Variants in PIK3C2A observed in about 807,000 individuals in gnomAD.
The protein encoded by PIK3C2A is phosphatidylinositol-4-phosphate 3-kinase catalytic subunit type 2 alpha.
Under a neutral mutation model 204.5 loss-of-function variants are expected in PIK3C2A, and 97 were observed. The observed-to-expected ratio is 0.47, with a 90% confidence interval of 0.40 to 0.56. PIK3C2A has a LOEUF of 0.56. Among genes scored for constraint, PIK3C2A ranks in the 20% least tolerant of loss-of-function variants. The pLI, the probability that PIK3C2A is intolerant of heterozygous loss-of-function variation, is 0.00. For missense variants in PIK3C2A, 1,735 were observed against 1,969.2 expected (o/e 0.88, Z 2.25); for synonymous variants, 653 against 664.4 (o/e 0.98, Z 0.26).
chr11:17,113,168 C>T (rs563138071), intron 20 of PIK3C2A, among the ~76,000 whole-genome samples: 63 of 152,220 alleles, frequency 4.1e-4, no homozygotes, highest in Non-Finnish European at 6.8e-4. Flanking sequence ...CCCGCCACCA[C>T]ACCCGGCTAA....
intron 1 of PIK3C2A, among the ~76,000 whole-genome samples, chr11:17,180,434 A>T (rs1182194713): frequency 2.0e-5 from 3 of 151,932 alleles, no homozygotes; most frequent in Non-Finnish European, 4.4e-5. Flanking sequence ...CCAAGAAAAA[A>T]TTTTTGCTAT....
Position 17,112,659 on chromosome 11 carries a change from G to T in PIK3C2A, c.3329C>A (p.Ser1110Tyr). ...VAKELNIKSCSFFSSNAVPLK... is the reference protein window; with the variant it reads ...VAKELNIKSCYFFSSNAVPLK... ...GGGGACAGCATTAGAACTGAAGAAG[G>T]AACACGACTGCAAATACAACATGTT... The change falls in exon 21 of 33, where the codon TCC becomes TAC. Residue 1110 changes from serine to tyrosine, a missense_variant. Physicochemically the swap from Ser to Tyr is moderately radical, Grantham distance 144. Around this residue, in one of 6 missense-constraint regions of PIK3C2A, gnomAD observed 567 missense variants for 576.0 expected, o/e 0.98. Coordinates refer to ENST00000691414, the MANE Select transcript of PIK3C2A (RefSeq NM_002645.4). The T allele has an allele frequency of 1.3e-6, 2 of 1,481,620 alleles. No individual in the cohort carries two copies. The highest frequency in any genetic ancestry group is 1.4e-5 in the South Asian group (1 of 73,480). 91.8% of individuals were successfully genotyped at this position (1,481,620 alleles called of 1,614,324 possible).
intron 1 of PIK3C2A, among the ~76,000 whole-genome samples, chr11:17,190,876 T>C (rs1851917437): frequency 1.3e-5 from 2 of 152,042 alleles, no homozygotes; most frequent in African/African-American, 2.4e-5. Context: ...TAATGTGTAA[T>C]TGGAGTCCAA....
chr11:17,188,058 C>T (rs772659596), intron 1 of PIK3C2A, among the ~76,000 whole-genome samples: 13 of 152,180 alleles, frequency 8.5e-5, no homozygotes, highest in Middle Eastern at 3.4e-3. Flanking sequence ...GGATTTTGGG[C>T]CAGGCATGGT....
chr11:17,100,838 A>G (rs771118189), intron 25 of PIK3C2A, among the ~76,000 whole-genome samples: 7 of 152,196 alleles, frequency 4.6e-5, no homozygotes, highest in Admixed American at 3.9e-4. Context: ...GTTTATTACC[A>G]TATCAATTTA....
intron 20 of PIK3C2A, 79 bp from the exon 21 acceptor site, chr11:17,112,745 C>T: frequency 1.7e-6 from 1 of 576,494 alleles, no homozygotes; most frequent in East Asian, 3.1e-5. Context: ...CGCATTTCCC[C>T]TTTCACTTCT....
At chr11:17,133,091 C>T (rs1849752385) in intron 11 of PIK3C2A, among the ~76,000 whole-genome samples, 1 of 152,200 alleles carries the variant, frequency 6.6e-6, no homozygotes, top group South Asian at 2.1e-4. Flanking sequence ...CACAATACCC[C>T]TAAGCAAACT....
At chr11:17,107,968 T>G (rs1003046762) in intron 22 of PIK3C2A, among the ~76,000 whole-genome samples, 3 of 152,172 alleles carry the variant, frequency 2.0e-5, no homozygotes, top group Non-Finnish European at 4.4e-5. Context: ...GCCTCCCGGA[T>G]TCAAGTGATT....
chr11:17,175,279 TA>T (rs1043980009), intron 1 of PIK3C2A, among the ~76,000 whole-genome samples: 1 of 152,204 alleles, frequency 6.6e-6, no homozygotes. Flanking sequence ...TAGTATATGC[TA>T]AAGTAAATTC....
intron 1 of PIK3C2A, among the ~76,000 whole-genome samples, chr11:17,181,526 G>A (rs979667632): frequency 6.6e-6 from 1 of 150,566 alleles, no homozygotes; most frequent in African/African-American, 2.5e-5. Context: ...CAGCTACTTG[G>A]GAAGCTGTGG....
intron 2 of PIK3C2A, among the ~76,000 whole-genome samples, chr11:17,157,708 G>A (rs144697316): frequency 6.6e-6 from 1 of 152,132 alleles, no homozygotes; most frequent in Non-Finnish European, 1.5e-5. Flanking sequence ...AATATGCCGG[G>A]AAAGATTACG....
At chr11:17,138,308 G>A (rs1299698030) in intron 8 of PIK3C2A, 7 of 553,824 alleles carry the variant, frequency 1.3e-5, no homozygotes, top group Middle Eastern at 5.3e-4. Context: ...CCCGGAAGAC[G>A]AAAAACAGCC....
rs1186116420 is a variant in PIK3C2A at position 17,087,758 on chromosome 11, G to A, written c.*1980C>T. The A allele has an allele frequency of 6.6e-6, 1 of 152,168 alleles. No homozygotes were observed. Among genetic ancestry groups the A allele is most frequent in the Non-Finnish European group, 1.5e-5 (1 of 68,030 alleles). The allele number at this position is 152,168 out of a possible 1,614,324, so 9.4% of individuals were successfully genotyped here. A position where few individuals can be genotyped will look rare whatever the true frequency, so the allele number is the denominator to read the frequency against. On this transcript the variant is annotated 3_prime_UTR_variant, in exon 33 of 33. Coordinates refer to ENST00000691414, the MANE Select transcript of PIK3C2A (RefSeq NM_002645.4). The stretch of plus-strand genomic sequence containing the variant: ...TGCAAAGGTACTTACATACTTTAAG[G>A]AAATGTTAATGATCTGTGGAAAAAG...
At chr11:17,178,757 C>A (rs1851429082) in intron 1 of PIK3C2A, among the ~76,000 whole-genome samples, 1 of 134,440 alleles carries the variant, frequency 7.4e-6, no homozygotes, top group African/African-American at 2.8e-5. Flanking sequence ...GAGTCTCGCT[C>A]TGTCGCCCAG....
chr11:17,190,828 T>C (rs644419), intron 1 of PIK3C2A, among the ~76,000 whole-genome samples: 36,237 of 151,930 alleles, frequency 0.24, 5,329 homozygotes, highest in East Asian at 0.38. Flanking sequence ...TACAACAGCA[T>C]GTCTAAGTTC....
chr11:17,176,438 G>A (rs1315873101), intron 1 of PIK3C2A, among the ~76,000 whole-genome samples: 1 of 148,394 alleles, frequency 6.7e-6, no homozygotes. Flanking sequence ...AACATGGCCA[G>A]ACCCTATCTC....
At chr11:17,097,019 C>G in intron 27 of PIK3C2A, 38 bp downstream of exon 27, 1 of 1,180,602 alleles carries the variant, frequency 8.5e-7, no homozygotes, top group Non-Finnish European at 1.3e-6. Flanking sequence ...AACAATAATA[C>G]ATGCATGATT....
At chr11:17,162,339 T>TAAA (rs1160583333) in intron 2 of PIK3C2A, among the ~76,000 whole-genome samples, 1 of 131,818 alleles carries the variant, frequency 7.6e-6, no homozygotes, top group Non-Finnish European at 1.6e-5. Flanking sequence ...AGACTCCATC[T>TAAA]AAAAAAAAAA....
In PIK3C2A at chr11:17,178,722, T is replaced by A. The variant is rs1162732784; in HGVS notation, c.-65-8916A>T. Among the ~76,000 whole-genome samples, 12 of 135,752 alleles carry A rather than the reference T, an allele frequency of 8.8e-5. No individual in the cohort carries two copies. The South Asian group carries it at 1.0e-3, about 12-fold the overall frequency. 89.1% of individuals were successfully genotyped at this position (135,752 alleles called of 152,430 possible). A position where few individuals can be genotyped will look rare whatever the true frequency, so the allele number is the denominator to read the frequency against. ...CCTGGTTGATTTTTGAATTTTTTTT[T>A]TTTTTTTTTTTTTTTTTTGAGACGG... On this transcript the variant is annotated intron_variant, in intron 1 of 32. Coordinates refer to ENST00000691414, the MANE Select transcript of PIK3C2A (RefSeq NM_002645.4).
Sources: allele counts gnomAD v4.1 joint callset (sites outside exome capture counted in the v4.1 genomes callset), GRCh38; gene constraint gnomAD v4.1.1; regional missense constraint gnomAD v4.1.1; transcripts MANE v1.5; gene names NCBI Gene and HGNC (gene_info 2026-07-23, HGNC 2026-07-21).